PRTG: variants seen among roughly 807,000 people sequenced by gnomAD.
PRTG encodes immunoglobulin superfamily, DCC subclass, member 5.
A neutral mutation model predicts 122.5 loss-of-function variants in PRTG; 67 were observed. The observed-to-expected ratio is 0.55, with a 90% CI of 0.45 to 0.67. The LOEUF (loss-of-function observed/expected upper bound fraction) is 0.67. Among genes scored for constraint, PRTG ranks in the 30% least tolerant of loss-of-function variants. PRTG has a pLI of 0.00. For synonymous variants in PRTG, 554 were observed against 501.1 expected (o/e 1.11, Z -1.41); for missense variants, 1,435 against 1,415.4 (o/e 1.01, Z -0.22).
At chr15:55,717,993 T>A (rs538072406) in intron 2 of PRTG, among the ~76,000 whole-genome samples, 6 of 152,324 alleles carry the variant, frequency 3.9e-5, no homozygotes, top group Non-Finnish European at 7.4e-5. Context: ...CTTTGCTCCG[T>A]GAGAAAGATC....
intron 11 of PRTG, among the ~76,000 whole-genome samples, chr15:55,667,998 G>T (rs1474619098): frequency 6.6e-6 from 1 of 152,218 alleles, no homozygotes; most frequent in East Asian, 1.9e-4. Flanking sequence ...GCTGAGGTAG[G>T]AGGATTGCTT....
chr15:55,634,640 A>G (rs2059246228), intron 15 of PRTG, among the ~76,000 whole-genome samples: 1 of 152,008 alleles, frequency 6.6e-6, no homozygotes, highest in Non-Finnish European at 1.5e-5. Flanking sequence ...CAGGAGTTCG[A>G]GACCAGCCTG....
intron 2 of PRTG, among the ~76,000 whole-genome samples, chr15:55,702,517 T>C (rs1027330189): frequency 1.2e-4 from 19 of 152,216 alleles, no homozygotes; most frequent in African/African-American, 4.3e-4. Flanking sequence ...CTAGAGCATA[T>C]AGTATAATGT....
At chr15:55,695,815 C>CA (rs1440662136) in intron 2 of PRTG, among the ~76,000 whole-genome samples, 1 of 152,070 alleles carries the variant, frequency 6.6e-6, no homozygotes, top group Non-Finnish European at 1.5e-5. Context: ...ACCAAAAATA[C>CA]AAAAAATTAG....
chr15:55,644,666 C>T (rs1219833214), intron 11 of PRTG, among the ~76,000 whole-genome samples: 1 of 151,984 alleles, frequency 6.6e-6, no homozygotes, highest in East Asian at 1.9e-4. Flanking sequence ...AGCAGTTCCC[C>T]GTCTCCTATG....
At chr15:55,686,647 C>T (rs1595651191) in intron 2 of PRTG, among the ~76,000 whole-genome samples, 1 of 152,284 alleles carries the variant, frequency 6.6e-6, no homozygotes, top group African/African-American at 2.4e-5. Context: ...ACATCACCCT[C>T]AGTGATCATC....
At chr15:55,690,222 A>G (rs1459160715) in intron 2 of PRTG, among the ~76,000 whole-genome samples, 1 of 152,184 alleles carries the variant, frequency 6.6e-6, no homozygotes, top group Non-Finnish European at 1.5e-5. Context: ...TTTCTCCCCA[A>G]TTTTGAAAAC....
chr15:55,713,427 T>A (rs2141857426), intron 2 of PRTG, among the ~76,000 whole-genome samples: 1 of 152,368 alleles, frequency 6.6e-6, no homozygotes, highest in Admixed American at 6.5e-5. Flanking sequence ...AGGAGCATTC[T>A]TATATGCATC....
At chr15:55,698,681 G>A (rs927900908) in intron 2 of PRTG, among the ~76,000 whole-genome samples, 32 of 152,230 alleles carry the variant, frequency 2.1e-4, no homozygotes, top group African/African-American at 6.7e-4. Context: ...GGAGGCTCCT[G>A]GGAATGGATT....
chr15:55,684,568 A>T (rs1204481163), intron 2 of PRTG, among the ~76,000 whole-genome samples: 1 of 152,228 alleles, frequency 6.6e-6, no homozygotes, highest in Non-Finnish European at 1.5e-5. Flanking sequence ...GGCATCAATT[A>T]AGATTTCTGA....
At position 55,612,559 on chromosome 15, in the gene PRTG, G is replaced by T. The variant is rs868489033; in HGVS notation, c.*7453C>A. On this transcript the variant is annotated 3_prime_UTR_variant, in exon 20 of 20. Transcript: ENST00000389286. ...GCCCTATATAAAATGCATTCATTTG[G>T]AATAGTTTGCAGAAATATTAAAATA... The T allele has an allele frequency of 6.6e-6, 1 of 151,590 alleles. No homozygotes were observed. The highest frequency in any genetic ancestry group is 6.6e-5 in the Admixed American group (1 of 15,220). The allele number at this position is 151,590 out of a possible 1,614,324, so 9.4% of individuals were successfully genotyped here.
At chr15:55,675,199 A>G (rs8030790) in intron 9 of PRTG, among the ~76,000 whole-genome samples, 32,381 of 152,028 alleles carry the variant, frequency 0.21, 3,732 homozygotes, top group African/African-American at 0.28. Context: ...TCAATATGTA[A>G]CAGTCATTAC....
At chr15:55,723,877 G>T (rs542056474) in intron 2 of PRTG, among the ~76,000 whole-genome samples, 3 of 150,190 alleles carry the variant, frequency 2.0e-5, no homozygotes, top group African/African-American at 7.3e-5. Flanking sequence ...TCAGCCTCCT[G>T]AGTAGCTGGA....
intron 13 of PRTG, among the ~76,000 whole-genome samples, chr15:55,639,140 A>G (rs1330662514): frequency 1.3e-5 from 2 of 152,178 alleles, no homozygotes; most frequent in African/African-American, 2.4e-5. Flanking sequence ...CCTGGCTGAT[A>G]TAAAAAAATA....
At chr15:55,659,830 A>T (rs940800392) in intron 11 of PRTG, among the ~76,000 whole-genome samples, 1 of 152,036 alleles carries the variant, frequency 6.6e-6, no homozygotes, top group African/African-American at 2.4e-5. Flanking sequence ...GAGGCAGGAG[A>T]ATCACTTGAA....
At chr15:55,633,800 T>C (rs191992461) in intron 15 of PRTG, among the ~76,000 whole-genome samples, 148 of 152,346 alleles carry the variant, frequency 9.7e-4, no homozygotes, top group Admixed American at 1.6e-3. Flanking sequence ...CTATGAATCA[T>C]TGGCCTTAGC....
Position 55,680,201 on chromosome 15 carries a change from T to C in PRTG, c.826A>G (p.Ile276Val), listed in dbSNP as rs2141812081. 6.2e-7 allele frequency: 1 copy of C among 1,609,218 alleles called. No individual in the cohort carries two copies. The highest frequency in any genetic ancestry group is 8.5e-7 in the Non-Finnish European group (1 of 1,175,814). Reference sequence around the variant, plus strand: ...AGTACCCGAGTATTAAAGACATCAATGGATTTGTGATCTATTTCAAAGAGA... The same window carrying C: ...AGTACCCGAGTATTAAAGACATCAACGGATTTGTGATCTATTTCAAAGAGA... ...ISWSRLDHKS[I>V]DVFNTRVLGN... Residue 276 changes from isoleucine (I) to valine (V), a missense_variant, in exon 6 of 20, where the codon ATT becomes GTT. Physicochemically the swap from Ile to Val is conservative, Grantham distance 29. Coordinates refer to ENST00000389286, the MANE Select transcript of PRTG (RefSeq NM_173814.6).
chr15:55,613,739 G>C lies in PRTG; in HGVS notation c.*6273C>G, dbSNP rs2059130432. ...CTGGTCACACTATGGAAGGCACTATGACCCTGGGTGATTAAATACCTTTTT... is the reference window on the plus strand; with the variant it reads ...CTGGTCACACTATGGAAGGCACTATCACCCTGGGTGATTAAATACCTTTTT... On this transcript the variant is annotated 3_prime_UTR_variant, in exon 20 of 20. Coordinates refer to ENST00000389286, the MANE Select transcript of PRTG (RefSeq NM_173814.6). 1 of 148,116 alleles carries C rather than the reference G, an allele frequency of 6.8e-6. No homozygotes were observed. The highest frequency in any genetic ancestry group is 1.5e-5 in the Non-Finnish European group (1 of 67,070). 9.2% of individuals were successfully genotyped at this position (148,116 alleles called of 1,614,324 possible). A position where few individuals can be genotyped will look rare whatever the true frequency, so the allele number is the denominator to read the frequency against.
At position 55,733,692 on chromosome 15, in the gene PRTG, C is replaced by T. The variant is rs574565932; in HGVS notation, c.397+6690G>A. 6.6e-5 allele frequency among the ~76,000 whole-genome samples: 10 copies of T among 151,766 alleles called. No individual in the cohort carries two copies. The East Asian group carries it at 1.6e-3, about 24-fold the overall frequency. ...AAATTTAAAAATTAGCTGTGCATGG[C>T]GGCACGTGCCTGTAGCTCCAGCTAC... On this transcript the variant is annotated intron_variant, in intron 2 of 19. Coordinates refer to ENST00000389286, the MANE Select transcript of PRTG (RefSeq NM_173814.6).
Sources: gnomAD v4.1 joint callset for allele counts (sites outside exome capture counted in the v4.1 genomes callset) on GRCh38, gnomAD v4.1.1 for gene constraint, MANE v1.5 for transcripts, NCBI Gene and HGNC (gene_info 2026-07-23, HGNC 2026-07-21) for gene names.